Variants in FGF14 observed in about 807,000 individuals in gnomAD.
FGF14 encodes the protein fibroblast growth factor 14, also known as fibroblast growth factor homologous factor 4.
In FGF14, 5 loss-of-function variants were observed where a neutral mutation model predicts 25.5. That is an observed-to-expected ratio of 0.20 (90% CI 0.10 to 0.41). The LOEUF is 0.41. FGF14 is among the 10% of genes least tolerant of loss of function. FGF14 has a pLI of 1.00. For synonymous variants in FGF14, 138 were observed against 118.3 expected (o/e 1.17, Z -1.08); for missense variants, 222 against 320.1 (o/e 0.69, Z 2.34).
chr13:102,341,485 G>C (rs1239852634), intron 1 of FGF14, among the ~76,000 whole-genome samples: 1 of 152,094 alleles, frequency 6.6e-6, no homozygotes, highest in East Asian at 1.9e-4. Flanking sequence ...AAAACATATA[G>C]TTCCTTCCCT....
At chr13:102,234,148 C>T (rs1462049104) in intron 1 of FGF14, among the ~76,000 whole-genome samples, 1 of 151,930 alleles carries the variant, frequency 6.6e-6, no homozygotes, top group Non-Finnish European at 1.5e-5. Flanking sequence ...TCACCACCAT[C>T]AATGTGAAGG....
intron 1 of FGF14, among the ~76,000 whole-genome samples, chr13:102,027,970 C>A (rs2041016242): frequency 6.6e-6 from 1 of 151,940 alleles, no homozygotes; most frequent in South Asian, 2.1e-4. Flanking sequence ...TTATTCATCA[C>A]CCTTTATTGG....
At chr13:102,158,085 A>G (rs2047434497) in intron 1 of FGF14, among the ~76,000 whole-genome samples, 1 of 152,232 alleles carries the variant, frequency 6.6e-6, no homozygotes, top group South Asian at 2.1e-4. Flanking sequence ...ACTGTAAACT[A>G]GTTCAACCAT....
At position 101,947,965 on chromosome 13, in the gene FGF14, A is replaced by G. The variant is rs139233627; in HGVS notation, c.209-72669T>C. ...CCAATTCTTTCAGGACAAATAAAGA[A>G]TATTGATTCAAATAAAATTTAAAGT... is the stretch of plus-strand genomic sequence containing the variant. On this transcript the variant is annotated intron_variant, in intron 1 of 4. Transcript: ENST00000376131. Among the ~76,000 whole-genome samples, 51 of 152,378 alleles carry G rather than the reference A, an allele frequency of 3.3e-4. No homozygotes were observed. The East Asian group carries it at 5.4e-3, about 16-fold the overall frequency.
At position 101,716,873 on chromosome 13, in the gene FGF14, T is replaced by G. The variant is rs2139629950; in HGVS notation, c.*5958A>C. 1 of 152,184 alleles carries G rather than the reference T, an allele frequency of 6.6e-6. No homozygotes were observed. Among genetic ancestry groups the G allele is most frequent in the Admixed American group, 6.5e-5 (1 of 15,284 alleles). The allele number at this position is 152,184 out of a possible 1,614,324, so 9.4% of individuals were successfully genotyped here. A position where few individuals can be genotyped will look rare whatever the true frequency, so the allele number is the denominator to read the frequency against. On this transcript the variant is annotated 3_prime_UTR_variant, in exon 5 of 5. Transcript: ENST00000376143. ...TGATAGGAACAAAATGTTTATTTTC[T>G]TAATGGTGAAACTTTGCTTTGTATG...
intron 1 of FGF14, among the ~76,000 whole-genome samples, chr13:102,188,996 G>A (rs1232928779): frequency 1.2e-5 from 1 of 81,452 alleles, no homozygotes. Flanking sequence ...AAGAAAGAAA[G>A]AAAGAAAGAA....
At chr13:101,733,465 C>T (rs2035947623) in intron 3 of FGF14, among the ~76,000 whole-genome samples, 1 of 151,862 alleles carries the variant, frequency 6.6e-6, no homozygotes, top group African/African-American at 2.4e-5. Flanking sequence ...CGTAGTGGCA[C>T]ATGCCTGTAG....
At chr13:102,207,924 A>G (rs1280982583) in intron 1 of FGF14, among the ~76,000 whole-genome samples, 2 of 152,186 alleles carry the variant, frequency 1.3e-5, no homozygotes, top group Non-Finnish European at 2.9e-5. Flanking sequence ...ATCAGCTCAT[A>G]AATCTACAGA....
intron 1 of FGF14, among the ~76,000 whole-genome samples, chr13:102,205,786 T>A (rs1178370428): frequency 1.4e-5 from 2 of 147,210 alleles, no homozygotes; most frequent in African/African-American, 5.0e-5. Flanking sequence ...CCCTCATAAT[T>A]CAGTGTGTCT....
chr13:101,779,144 A>G (rs2039332255), intron 3 of FGF14: 1 of 152,242 alleles, frequency 6.6e-6, no homozygotes, highest in Admixed American at 6.5e-5. Context: ...ACTTAATGAA[A>G]TAAGTGACTG....
chr13:102,128,917 T>C (rs1242186318), intron 1 of FGF14, among the ~76,000 whole-genome samples: 3 of 152,070 alleles, frequency 2.0e-5, no homozygotes, highest in Admixed American at 2.0e-4. Flanking sequence ...ACCCTGTCTC[T>C]ACCAAAAATA....
intron 1 of FGF14, among the ~76,000 whole-genome samples, chr13:101,944,656 T>C (rs939708593): frequency 1.3e-5 from 2 of 152,128 alleles, no homozygotes; most frequent in Non-Finnish European, 2.9e-5. Context: ...AAAAGATGAA[T>C]GGATAAACAA....
chr13:101,933,800 ACT>A (rs930846207), intron 1 of FGF14, among the ~76,000 whole-genome samples: 51 of 152,070 alleles, frequency 3.4e-4, no homozygotes, highest in Non-Finnish European at 4.7e-4. Flanking sequence ...TTTACATATT[ACT>A]CTTTCTTACA....
At chr13:102,093,106 G>T (rs1176262254) in intron 1 of FGF14, among the ~76,000 whole-genome samples, 7 of 152,092 alleles carry the variant, frequency 4.6e-5, no homozygotes, top group Non-Finnish European at 1.0e-4. Flanking sequence ...TATGTAGAAT[G>T]TTTTCAATAA....
intron 1 of FGF14, among the ~76,000 whole-genome samples, chr13:101,981,431 C>A (rs187550688): frequency 6.6e-6 from 1 of 152,138 alleles, no homozygotes; most frequent in South Asian, 2.1e-4. Flanking sequence ...TCCCAGCCAC[C>A]AGGGCAGTGA....
At chr13:102,115,266 C>G (rs1367484512) in intron 1 of FGF14, among the ~76,000 whole-genome samples, 1 of 152,280 alleles carries the variant, frequency 6.6e-6, no homozygotes, top group East Asian at 1.9e-4. Flanking sequence ...TTCTCCTTCC[C>G]TTCCCCGCTT....
intron 1 of FGF14, among the ~76,000 whole-genome samples, chr13:102,076,532 A>AAC (rs1423918827): frequency 6.6e-5 from 10 of 152,172 alleles, no homozygotes; most frequent in African/African-American, 2.4e-4. Context: ...ATTGTTAAGC[A>AAC]ACACACAACT....
intron 3 of FGF14, 134 bp from the exon 4 acceptor site, chr13:101,726,944 G>A: frequency 1.6e-6 from 1 of 643,484 alleles, no homozygotes; most frequent in Non-Finnish European, 2.7e-6. Flanking sequence ...ACCCCTTCCT[G>A]CGCACAGTAA....
chr13:101,864,305 G>A (rs369268712), intron 3 of FGF14, among the ~76,000 whole-genome samples: 23 of 152,204 alleles, frequency 1.5e-4, no homozygotes, highest in African/African-American at 5.1e-4. Flanking sequence ...CAAATATTTA[G>A]TTTCAATGCC....
Sources: gnomAD v4.1 joint callset for allele counts (sites outside exome capture counted in the v4.1 genomes callset) on GRCh38, gnomAD v4.1.1 for gene constraint, MANE v1.5 for transcripts, NCBI Gene and HGNC (gene_info 2026-07-23, HGNC 2026-07-21) for gene names.